PHACTR1: variants seen among roughly 807,000 people sequenced by gnomAD.
PHACTR1 encodes RPEL repeat containing 1.
PHACTR1 carries 16 observed loss-of-function variants against 69.2 expected under a neutral mutation model. The ratio of observed to expected loss-of-function variants is 0.23; its 90% CI spans 0.16 to 0.35. The LOEUF is 0.35. Ranked by LOEUF, PHACTR1 falls within the 10% of genes least tolerant of loss-of-function variation. The pLI, the probability that PHACTR1 is intolerant of heterozygous loss-of-function variation, is 1.00. For missense variants in PHACTR1, 510 were observed against 734.7 expected (o/e 0.69, Z 3.54); for synonymous variants, 312 against 284.5 (o/e 1.10, Z -0.97).
intron 7 of PHACTR1, among the ~76,000 whole-genome samples, chr6:13,195,616 G>A (rs1446849669): frequency 6.6e-6 from 1 of 151,768 alleles, no homozygotes; most frequent in African/African-American, 2.4e-5. Flanking sequence ...AAATTAGCTG[G>A]GCGTTGTGGC....
intron 5 of PHACTR1, among the ~76,000 whole-genome samples, chr6:13,107,833 ATTC>A (rs1816416104): frequency 1.3e-5 from 2 of 151,850 alleles, no homozygotes; most frequent in Admixed American, 1.3e-4. Flanking sequence ...CTTTAGTTTC[ATTC>A]ATTTTTCTTT....
intron 4 of PHACTR1, among the ~76,000 whole-genome samples, chr6:12,962,293 T>C (rs1792852490): frequency 6.6e-6 from 1 of 152,080 alleles, no homozygotes; most frequent in Non-Finnish European, 1.5e-5. Flanking sequence ...CATTTAACCT[T>C]AATCATCTCT....
intron 4 of PHACTR1, among the ~76,000 whole-genome samples, chr6:12,951,520 C>T (rs557444121): frequency 5.9e-5 from 9 of 152,236 alleles, no homozygotes; most frequent in Non-Finnish European, 1.2e-4. Flanking sequence ...AACTGAGGCT[C>T]TCAGAGGGTA....
At chr6:13,239,310 G>T (rs141970685) in intron 10 of PHACTR1, among the ~76,000 whole-genome samples, 146 of 152,326 alleles carry the variant, frequency 9.6e-4, no homozygotes, top group African/African-American at 3.2e-3. Context: ...TACAACATTT[G>T]TACCACAAAT....
At chr6:13,200,217 T>C (rs1765018376) in intron 7 of PHACTR1, among the ~76,000 whole-genome samples, 1 of 141,004 alleles carries the variant, frequency 7.1e-6, no homozygotes, top group South Asian at 2.1e-4. Flanking sequence ...TTGGGAAGAA[T>C]CTTTTTTTTT....
In PHACTR1 at chr6:12,754,960, G is replaced by A. The variant is rs75259094; in HGVS notation, c.250+5170G>A. On this transcript the variant is annotated intron_variant, in intron 4 of 14. Coordinates refer to ENST00000332995, the MANE Select transcript of PHACTR1 (RefSeq NM_030948.6). ...TGAGTATCCACGCATTTTGTTATTCGCAGGGGATCTTGGAACCAATCTCAT... is the reference window on the plus strand; with the variant it reads ...TGAGTATCCACGCATTTTGTTATTCACAGGGGATCTTGGAACCAATCTCAT... 5.7e-3 allele frequency among the ~76,000 whole-genome samples: 875 copies of A among 152,212 alleles called. 10 individuals are homozygous for A. Among genetic ancestry groups the A allele is most frequent in the African/African-American group, 0.02 (833 of 41,530 alleles).
chr6:12,856,411 G>A (rs1398378472), intron 4 of PHACTR1, among the ~76,000 whole-genome samples: 1 of 151,706 alleles, frequency 6.6e-6, no homozygotes, highest in African/African-American at 2.4e-5. Context: ...CCGCCACCAC[G>A]CCAGGGTAAT....
chr6:12,930,076 T>G (rs1000690499), intron 4 of PHACTR1, among the ~76,000 whole-genome samples: 2 of 151,670 alleles, frequency 1.3e-5, no homozygotes, highest in African/African-American at 4.8e-5. Context: ...GGGATCTTGC[T>G]CTGTCACCCA....
At chr6:12,779,374 T>G (rs1245410597) in intron 4 of PHACTR1, among the ~76,000 whole-genome samples, 1 of 152,132 alleles carries the variant, frequency 6.6e-6, no homozygotes, top group East Asian at 1.9e-4. Context: ...TCCTCTTTTT[T>G]CATTTAATTT....
At chr6:12,882,852 G>C (rs998735763) in intron 4 of PHACTR1, among the ~76,000 whole-genome samples, 1 of 152,196 alleles carries the variant, frequency 6.6e-6, no homozygotes, top group African/African-American at 2.4e-5. Flanking sequence ...AAATGAGTGT[G>C]AGCTGGTGTA....
intron 5 of PHACTR1, among the ~76,000 whole-genome samples, chr6:13,151,099 CA>C (rs1318936224): frequency 6.6e-6 from 1 of 152,190 alleles, no homozygotes; most frequent in East Asian, 1.9e-4. Flanking sequence ...GTAAGATTTA[CA>C]AAGGATAAAA....
At chr6:12,723,031 T>C (rs958276621) in intron 3 of PHACTR1, among the ~76,000 whole-genome samples, 1 of 152,214 alleles carries the variant, frequency 6.6e-6, no homozygotes, top group Admixed American at 6.5e-5. Flanking sequence ...TGTAATTTTG[T>C]AGTGAACAAT....
intron 4 of PHACTR1, among the ~76,000 whole-genome samples, chr6:12,971,054 T>C (rs1562073618): frequency 6.6e-6 from 1 of 152,168 alleles, no homozygotes; most frequent in Non-Finnish European, 1.5e-5. Context: ...ATGGCCAGGA[T>C]AGTCATGAAG....
In PHACTR1 at chr6:12,929,517, T is replaced by G. The variant is rs1333977796; in HGVS notation, c.251-123848T>G. ...CAAATGTTATCCTCAGATGATGCATTGGCCCTTTATTGGAAGAACTTGAAG... is the reference window on the plus strand; with the variant it reads ...CAAATGTTATCCTCAGATGATGCATGGGCCCTTTATTGGAAGAACTTGAAG... On this transcript the variant is annotated intron_variant, in intron 4 of 14. Coordinates refer to ENST00000332995, the MANE Select transcript of PHACTR1 (RefSeq NM_030948.6). Among the ~76,000 whole-genome samples the G allele has an allele frequency of 3.0e-4, 45 of 152,212 alleles. 2 individuals are homozygous for G. The highest frequency in any genetic ancestry group is 1.3e-4 in the Non-Finnish European group (9 of 68,040).
Position 13,120,107 on chromosome 6 carries a change from C to T in PHACTR1, c.416-40097C>T, listed in dbSNP as rs149495274. Among the ~76,000 whole-genome samples the T allele has an allele frequency of 8.5e-3, 1,300 of 152,286 alleles. 4 individuals are homozygous for T. The highest frequency in any genetic ancestry group is 0.014 in the Non-Finnish European group (936 of 68,014). On this transcript the variant is annotated intron_variant, in intron 5 of 14. Transcript: ENST00000332995. ...TCTTCTCTGTGGAGAAAACACCTTC[C>T]CTTGCCAGTGTCTCAAGAGTTTACA...
intron 4 of PHACTR1, among the ~76,000 whole-genome samples, chr6:13,024,547 T>A (rs1413872645): frequency 6.6e-6 from 1 of 152,138 alleles, no homozygotes; most frequent in Admixed American, 6.5e-5. Flanking sequence ...ACCATCCCCC[T>A]GAAAAGTCAA....
chr6:13,229,111 C>A (rs1770329430), intron 9 of PHACTR1, among the ~76,000 whole-genome samples: 1 of 152,182 alleles, frequency 6.6e-6, no homozygotes, highest in African/African-American at 2.4e-5. Flanking sequence ...GCTGCTCAGC[C>A]CCTGTTTGCT....
At chr6:13,019,630 T>C (rs9473216) in intron 4 of PHACTR1, among the ~76,000 whole-genome samples, 3,344 of 152,312 alleles carry the variant, frequency 0.022, 119 homozygotes, top group African/African-American at 0.075. Flanking sequence ...CTCTGACACT[T>C]TACAGACATC....
intron 3 of PHACTR1, among the ~76,000 whole-genome samples, chr6:12,734,399 T>G (rs570094722): frequency 6.6e-6 from 1 of 152,302 alleles, no homozygotes; most frequent in Admixed American, 6.5e-5. Flanking sequence ...TGCCAAATAC[T>G]GCTTGAATTA....
Sources: allele counts gnomAD v4.1 joint callset (sites outside exome capture counted in the v4.1 genomes callset), GRCh38; gene constraint gnomAD v4.1.1; transcripts MANE v1.5; gene names NCBI Gene and HGNC (gene_info 2026-07-23, HGNC 2026-07-21).